Variants in CWC27 observed in about 807,000 individuals in gnomAD.
The protein encoded by CWC27 is CWC27 spliceosome associated cyclophilin, also known as spliceosome-associated protein CWC27 homolog.
A neutral mutation model predicts 63.6 loss-of-function variants in CWC27; 47 were observed. The ratio of observed to expected loss-of-function variants is 0.74; its 90% confidence interval spans 0.58 to 0.94. CWC27 has a LOEUF of 0.94. Among genes scored for constraint, CWC27 ranks in the 40% least tolerant of loss-of-function variants. The pLI, the probability that CWC27 is intolerant of heterozygous loss-of-function variation, is 0.00. For missense variants in CWC27, 495 were observed against 554.3 expected, an observed-to-expected ratio of 0.89 and a Z score of 1.07; for synonymous variants, 175 against 179.8, an observed-to-expected ratio of 0.97 and a Z score of 0.22.
intron 11 of CWC27, among the ~76,000 whole-genome samples, chr5:64,894,299 T>C (rs75484915): frequency 0.015 from 2,357 of 152,234 alleles, 50 homozygotes; most frequent in African/African-American, 0.055. Flanking sequence ...CAGAGCAAAG[T>C]AATAGAACTA....
intron 11 of CWC27, among the ~76,000 whole-genome samples, chr5:64,944,044 C>T (rs1464355985): frequency 6.6e-6 from 1 of 152,104 alleles, no homozygotes; most frequent in African/African-American, 2.4e-5. Flanking sequence ...GCCTTGGATC[C>T]TGCCGCACGC....
chr5:64,995,161 AG>A (rs1205974054), intron 13 of CWC27, among the ~76,000 whole-genome samples: 1 of 151,944 alleles, frequency 6.6e-6, no homozygotes, highest in Non-Finnish European at 1.5e-5. Context: ...TAGTAGAGAC[AG>A]GGTTTCACCA....
intron 13 of CWC27, among the ~76,000 whole-genome samples, chr5:65,000,861 G>A (rs1278387737): frequency 1.3e-5 from 2 of 152,052 alleles, no homozygotes; most frequent in East Asian, 3.9e-4. Flanking sequence ...TTTGTATGAA[G>A]AATGTCATTG....
chr5:64,987,852 C>A (rs935949308), intron 13 of CWC27, among the ~76,000 whole-genome samples: 2 of 152,064 alleles, frequency 1.3e-5, no homozygotes, highest in African/African-American at 4.8e-5. Context: ...TTTTTCTCTA[C>A]GATTTTTTCA....
chr5:64,787,016 G>C (rs1373766280), intron 6 of CWC27, among the ~76,000 whole-genome samples: 3 of 152,164 alleles, frequency 2.0e-5, no homozygotes, highest in Non-Finnish European at 2.9e-5. Context: ...GCAGGGGAGA[G>C]AGCGAGTGGG....
chr5:64,781,368 A>T lies in CWC27; in HGVS notation c.140-553A>T, dbSNP rs144054111. On this transcript the variant is annotated intron_variant, in intron 2 of 13. Coordinates refer to ENST00000381070, the MANE Select transcript of CWC27 (RefSeq NM_005869.4). ...AACTAATAAGTAATTTTGATATATT[A>T]TGAGTTTGTGTGTTAATAAATTAAT... 6.1e-4 allele frequency among the ~76,000 whole-genome samples: 93 copies of T among 152,290 alleles called. 1 individual carries two copies. The East Asian group carries it at 0.017, about 28-fold the overall frequency.
intron 10 of CWC27, among the ~76,000 whole-genome samples, chr5:64,845,600 A>G (rs1211146861): frequency 6.6e-6 from 1 of 152,242 alleles, no homozygotes; most frequent in Admixed American, 6.5e-5. Flanking sequence ...GAAAAATTCA[A>G]TAGAAAGCAT....
chr5:64,786,008 C>CA (rs574975132), intron 5 of CWC27, among the ~76,000 whole-genome samples: 3 of 150,772 alleles, frequency 2.0e-5, no homozygotes, highest in South Asian at 4.2e-4. Context: ...ACTAAAAATA[C>CA]AAAAAAAATA....
intron 10 of CWC27, among the ~76,000 whole-genome samples, chr5:64,853,356 A>T (rs1010017195): frequency 7.9e-5 from 12 of 152,242 alleles, no homozygotes; most frequent in Non-Finnish European, 1.2e-4. Context: ...CCAAGAATTT[A>T]ATTCTCTTCA....
chr5:64,840,375 AAAAAAAAAAAAAAAAAAAAATAT>A (rs1227243950), intron 10 of CWC27, among the ~76,000 whole-genome samples: 18 of 60,112 alleles, frequency 3.0e-4, no homozygotes, highest in Non-Finnish European at 3.8e-4. Flanking sequence ...AAAAAAAAAA[AAAAAAAAAAAAAAAAAAAAATAT>A]ATATATATAT....
chr5:64,810,999 C>T (rs574613980), intron 10 of CWC27, among the ~76,000 whole-genome samples: 1 of 151,980 alleles, frequency 6.6e-6, no homozygotes, highest in South Asian at 2.1e-4. Flanking sequence ...TAAAATGTGG[C>T]TGATAAGGAA....
At chr5:64,829,453 T>C (rs1407574823) in intron 10 of CWC27, among the ~76,000 whole-genome samples, 1 of 151,916 alleles carries the variant, frequency 6.6e-6, no homozygotes, top group Admixed American at 6.6e-5. Flanking sequence ...AAAAAACAGG[T>C]ATCGAGAAAG....
intron 10 of CWC27, among the ~76,000 whole-genome samples, chr5:64,835,322 A>G (rs2112270333): frequency 6.6e-6 from 1 of 151,914 alleles, no homozygotes; most frequent in South Asian, 2.1e-4. Flanking sequence ...TCCAAATCAC[A>G]TTTTATAAAG....
intron 2 of CWC27, among the ~76,000 whole-genome samples, chr5:64,779,144 A>G (rs1247431245): frequency 6.6e-6 from 1 of 152,184 alleles, no homozygotes; most frequent in Non-Finnish European, 1.5e-5. Context: ...ATTCAGTTGC[A>G]GGTAATAGAA....
chr5:64,884,284 A>T (rs1747013995), intron 10 of CWC27: 2 of 152,092 alleles, frequency 1.3e-5, no homozygotes, highest in Non-Finnish European at 2.9e-5. Context: ...AAAGTTAAAA[A>T]GGTAGTGGAT....
intron 6 of CWC27, among the ~76,000 whole-genome samples, chr5:64,786,979 C>T (rs1274959477): frequency 2.6e-5 from 4 of 152,104 alleles, no homozygotes; most frequent in Non-Finnish European, 2.9e-5. Flanking sequence ...TGGAGGAAGG[C>T]GAAGCAGTCA....
intron 13 of CWC27, among the ~76,000 whole-genome samples, chr5:65,015,859 A>G (rs1353096702): frequency 6.6e-6 from 1 of 152,308 alleles, no homozygotes; most frequent in African/African-American, 2.4e-5. Context: ...AAGCCCCATT[A>G]TTTGAAAGAA....
intron 11 of CWC27, among the ~76,000 whole-genome samples, chr5:64,910,181 A>G (rs1343812524): frequency 6.6e-6 from 1 of 152,326 alleles, no homozygotes; most frequent in Admixed American, 6.5e-5. Flanking sequence ...TCTAAGAGTC[A>G]GGTCCCTCAG....
At chr5:64,974,728 A>C (rs972870806) in intron 12 of CWC27, among the ~76,000 whole-genome samples, 1 of 152,252 alleles carries the variant, frequency 6.6e-6, no homozygotes, top group Non-Finnish European at 1.5e-5. Context: ...ATATAAACAC[A>C]TACATACACA....
Sources: allele counts gnomAD v4.1 joint callset (sites outside exome capture counted in the v4.1 genomes callset), GRCh38; gene constraint gnomAD v4.1.1; transcripts MANE v1.5; gene names NCBI Gene and HGNC (gene_info 2026-07-23, HGNC 2026-07-21).